Variants in LRRC37B observed in about 807,000 individuals in gnomAD.
LRRC37B encodes the protein leucine rich repeat containing 37B, also known as leucine-rich repeat-containing protein 37B.
LRRC37B carries 28 observed loss-of-function variants against 98.3 expected under a neutral mutation model. The ratio of observed to expected loss-of-function variants is 0.28; its 90% CI spans 0.21 to 0.39. The LOEUF is 0.39. Among genes scored for constraint, LRRC37B ranks in the 10% least tolerant of loss-of-function variants. The pLI is 1.00. For synonymous variants in LRRC37B, 364 were observed against 442.7 expected (o/e 0.82, Z 2.23); for missense variants, 938 against 1,182.7 (o/e 0.79, Z 3.03).
chr17:32,033,028 G>A (rs911570555), intron 5 of LRRC37B, among the ~76,000 whole-genome samples: 5 of 152,156 alleles, frequency 3.3e-5, no homozygotes, highest in Non-Finnish European at 7.4e-5. Flanking sequence ...GCTGGGTGTG[G>A]TGGCGGGCAC....
chr17:32,018,908 A>G (rs879669351), upstream of LRRC37B, among the ~76,000 whole-genome samples: 2 of 152,086 alleles, frequency 1.3e-5, no homozygotes, highest in Non-Finnish European at 2.9e-5. Flanking sequence ...AGCTCTCCCT[A>G]CACAGGCATA....
chr17:32,009,677 C>T (rs868503166), intron 1 of LRRC37B, among the ~76,000 whole-genome samples: 1 of 151,944 alleles, frequency 6.6e-6, no homozygotes, highest in Non-Finnish European at 1.5e-5. Flanking sequence ...CTTTCACCCA[C>T]GCTGGAGTGC....
chr17:32,037,924 A>C (rs145204328), intron 7 of LRRC37B, among the ~76,000 whole-genome samples: 1 of 151,948 alleles, frequency 6.6e-6, no homozygotes, highest in Non-Finnish European at 1.5e-5. Context: ...TGGCTAACAC[A>C]GTGAAACCCA....
At chr17:32,032,529 A>G (rs983223953) in intron 5 of LRRC37B, among the ~76,000 whole-genome samples, 3 of 152,006 alleles carry the variant, frequency 2.0e-5, no homozygotes, top group African/African-American at 7.3e-5. Context: ...GGGACTTTAG[A>G]CTCAAGGTGA....
intron 1 of LRRC37B, among the ~76,000 whole-genome samples, chr17:32,010,755 C>T (rs1360193258): frequency 1.3e-5 from 2 of 152,178 alleles, no homozygotes; most frequent in Non-Finnish European, 2.9e-5. Flanking sequence ...TCTGACTGTG[C>T]TTTTATGCCC....
chr17:32,010,524 G>T (rs1910502528), intron 1 of LRRC37B, among the ~76,000 whole-genome samples: 1 of 152,182 alleles, frequency 6.6e-6, no homozygotes, highest in Non-Finnish European at 1.5e-5. Context: ...CCTTAAGGTA[G>T]AGTGTACATA....
At chr17:32,047,798 C>G in exon 9 of LRRC37B, 1 of 1,613,974 alleles carries the variant, frequency 6.2e-7, no homozygotes, top group Non-Finnish European at 8.5e-7. Flanking sequence ...AAGGAGCGTT[C>G]ATGAAGATGT....
At chr17:32,044,916 C>T in intron 7 of LRRC37B, among the ~76,000 whole-genome samples, 1 of 152,060 alleles carries the variant, frequency 6.6e-6, no homozygotes, top group Non-Finnish European at 1.5e-5. Flanking sequence ...TAACTTTTCC[C>T]TTTGATAATT....
At chr17:32,008,019 A>G (rs1910450197) in exon 1 of LRRC37B, 1 of 519,002 alleles carries the variant, frequency 1.9e-6, no homozygotes, top group East Asian at 4.7e-5. Flanking sequence ...TCTGAGGACA[A>G]CTAGGAGGAT....
At chr17:32,045,375 C>T (rs1031470441) in intron 7 of LRRC37B, 66 of 251,506 alleles carry the variant, frequency 2.6e-4, no homozygotes, top group African/African-American at 1.4e-3. Context: ...TCTTAGAAGT[C>T]TACCTTCTTC....
At chr17:32,021,932 A>G in exon 1 of LRRC37B, 4 of 1,614,148 alleles carry the variant, frequency 2.5e-6, no homozygotes, top group Non-Finnish European at 3.4e-6. Flanking sequence ...AATTCCATCT[A>G]GAGCCCAAAA....
At chr17:32,048,140 A>T in intron 9 of LRRC37B, 2 of 842,200 alleles carry the variant, frequency 2.4e-6, no homozygotes, top group Non-Finnish European at 3.8e-6. Context: ...TTGAAAAAAA[A>T]ATTAGAAACT....
exon 10 of LRRC37B, chr17:32,049,149 C>T (rs1288952231): frequency 5.5e-5 from 89 of 1,613,762 alleles, no homozygotes; most frequent in Non-Finnish European, 7.5e-5. Context: ...GTCCCTCATC[C>T]CCAACGAGGA....
chr17:32,032,752 C>T (rs1421094681), intron 5 of LRRC37B, among the ~76,000 whole-genome samples: 2 of 152,046 alleles, frequency 1.3e-5, no homozygotes, highest in Non-Finnish European at 2.9e-5. Flanking sequence ...TTTCTTTTGC[C>T]CTCACACCAG....
At chr17:32,020,659 C>T (rs141689663), upstream of LRRC37B, 32 of 345,538 alleles carry the variant, frequency 9.3e-5, no homozygotes, top group African/African-American at 5.2e-4. Context: ...CTGTAACGCG[C>T]GTCCTGCCTG....
chr17:32,035,608 A>AT lies in LRRC37B; in HGVS notation c.2175dup (p.Leu726SerfsTer6). On this transcript the variant is annotated frameshift_variant, in exon 7 of 12. Transcript: ENST00000327564. LOFTEE classifies it high-confidence loss of function. ...CATCACACTTACAACACTTAAGAAC[A>AT]TTCTCACGATGACTGTTGAACTGGA... 2.5e-6 allele frequency: 4 copies of AT among 1,611,950 alleles called. No individual in the cohort carries two copies. The highest frequency in any genetic ancestry group is 3.4e-6 in the Non-Finnish European group (4 of 1,178,982).
chr17:32,048,374 A>G (rs952053332), intron 9 of LRRC37B, among the ~76,000 whole-genome samples: 2 of 149,524 alleles, frequency 1.3e-5, no homozygotes, highest in Non-Finnish European at 3.0e-5. Flanking sequence ...ACAGCCTCAC[A>G]TAGTGCAGGG....
At chr17:32,044,589 T>G (rs1911525743) in intron 7 of LRRC37B, among the ~76,000 whole-genome samples, 1 of 152,166 alleles carries the variant, frequency 6.6e-6, no homozygotes, top group Non-Finnish European at 1.5e-5. Context: ...CTCTCCACTG[T>G]GGTTATTTTG....
At chr17:32,016,243 C>G (rs573008431), upstream of LRRC37B, among the ~76,000 whole-genome samples, 1 of 152,236 alleles carries the variant, frequency 6.6e-6, no homozygotes, top group South Asian at 2.1e-4. Context: ...TAATATAATT[C>G]CTCCATTAAG....
Sources: allele counts gnomAD v4.1 joint callset (sites outside exome capture counted in the v4.1 genomes callset), GRCh38; gene constraint gnomAD v4.1.1; transcripts MANE v1.5; gene names NCBI Gene and HGNC (gene_info 2026-07-23, HGNC 2026-07-21).